The following SLC2A14 variants were observed in gnomAD, a reference collection of about 807,000 sequenced individuals.
SLC2A14 encodes solute carrier family 2 member 14.
In SLC2A14, 13 loss-of-function variants were observed where a neutral mutation model predicts 43.0. The observed-to-expected ratio is 0.30, with a 90% CI of 0.20 to 0.48. The LOEUF (loss-of-function observed/expected upper bound fraction) is 0.48, where lower values mean the gene tolerates loss of function less well. Among genes scored for constraint, SLC2A14 ranks in the 20% least tolerant of loss-of-function variants. SLC2A14 has a pLI of 0.99. For missense variants in SLC2A14, 428 were observed against 620.4 expected (o/e 0.69, Z 3.29); for synonymous variants, 190 against 233.8 (o/e 0.81, Z 1.71).
intron 10 of SLC2A14, among the ~76,000 whole-genome samples, chr12:7,816,427 C>CG (rs1289162952): frequency 6.7e-6 from 1 of 149,610 alleles, no homozygotes; most frequent in Non-Finnish European, 1.5e-5. Context: ...TTAGTAGAGA[C>CG]GGGGTTTCTC....
intron 1 of SLC2A14, among the ~76,000 whole-genome samples, chr12:7,880,984 C>CA (rs1945560646): frequency 6.6e-6 from 1 of 152,102 alleles, no homozygotes; most frequent in South Asian, 2.1e-4. Flanking sequence ...ACTAAAAATA[C>CA]AAAAAATTAA....
chr12:7,814,153 C>G lies in SLC2A14; in HGVS notation c.*163G>C. 1 of 1,341,674 alleles carries G rather than the reference C, an allele frequency of 7.5e-7. No individual in the cohort carries two copies. Among genetic ancestry groups the G allele is most frequent in the Non-Finnish European group, 1.0e-6 (1 of 987,848 alleles). 83.1% of individuals were successfully genotyped at this position (1,341,674 alleles called of 1,614,324 possible). ...TAAAATTTAAAAAGCCATTGAAGAT[C>G]CAACAAACTGCAGCCTTGGGGTGCT... On this transcript the variant is annotated 3_prime_UTR_variant, in exon 11 of 11. Coordinates refer to ENST00000431042, the MANE Select transcript of SLC2A14 (RefSeq NM_001286234.2).
In SLC2A14 at chr12:7,813,324, C is replaced by A. The variant is rs1369410889; in HGVS notation, c.*992G>T. The A allele has an allele frequency of 6.6e-6, 1 of 152,204 alleles. No homozygotes were observed. Among genetic ancestry groups the A allele is most frequent in the South Asian group, 2.1e-4 (1 of 4,818 alleles). The allele number at this position is 152,204 out of a possible 1,614,324, so 9.4% of individuals were successfully genotyped here. A position where few individuals can be genotyped will look rare whatever the true frequency, so the allele number is the denominator to read the frequency against. ...GATGGCTCTCCCACTAGATAGGTGG[C>A]GGGATTACTTCAAAAGTAATGAGAC... On this transcript the variant is annotated 3_prime_UTR_variant, in exon 11 of 11. Coordinates refer to ENST00000431042, the MANE Select transcript of SLC2A14 (RefSeq NM_001286234.2).
intron 2 of SLC2A14, among the ~76,000 whole-genome samples, chr12:7,857,812 T>C (rs747878418): frequency 6.6e-6 from 1 of 152,020 alleles, no homozygotes; most frequent in Admixed American, 6.6e-5. Context: ...AGGCAGGTGC[T>C]GCTGGGCCTG....
chr12:7,881,967 C>G (rs1056007051), intron 1 of SLC2A14, among the ~76,000 whole-genome samples: 1 of 152,200 alleles, frequency 6.6e-6, no homozygotes, highest in Non-Finnish European at 1.5e-5. Context: ...AATCAGCGCC[C>G]TGTCAAAACA....
At chr12:7,834,758 T>C (rs1168009962) in intron 2 of SLC2A14, among the ~76,000 whole-genome samples, 2 of 152,034 alleles carry the variant, frequency 1.3e-5, no homozygotes, top group Non-Finnish European at 2.9e-5. Flanking sequence ...AGACAAGTGT[T>C]CCTTGGGCAA....
At chr12:7,864,606 G>C (rs1944807945) in intron 2 of SLC2A14, among the ~76,000 whole-genome samples, 1 of 152,172 alleles carries the variant, frequency 6.6e-6, no homozygotes, top group Non-Finnish European at 1.5e-5. Context: ...CCAAAGTGTT[G>C]GGATTACAGG....
intron 2 of SLC2A14, chr12:7,863,354 G>A (rs1403421752): frequency 2.2e-6 from 1 of 452,976 alleles, no homozygotes; most frequent in Admixed American, 2.4e-5. Flanking sequence ...CCACTTTAAG[G>A]GCTGTAACAC....
chr12:7,850,513 A>G (rs1592248320), intron 2 of SLC2A14, among the ~76,000 whole-genome samples: 1 of 151,974 alleles, frequency 6.6e-6, no homozygotes, highest in East Asian at 1.9e-4. Flanking sequence ...CTCCTGCCTC[A>G]GCCTCCCAAG....
rs114432140 is a variant in SLC2A14 at position 7,863,302 on chromosome 12, C to A, written c.18+6561G>T. 3.3e-3 allele frequency: 1,461 copies of A among 442,298 alleles called. 19 individuals carry two copies. Among genetic ancestry groups the A allele is most frequent in the African/African-American group, 0.027 (1,327 of 49,324 alleles). 27.4% of individuals were successfully genotyped at this position (442,298 alleles called of 1,614,324 possible). Reference sequence around the variant, plus strand: ...ACGAACCCACCAGAAGGAAAACACTCCGAACGCATCTGAACATCAGAAGGG... The same window carrying A: ...ACGAACCCACCAGAAGGAAAACACTACGAACGCATCTGAACATCAGAAGGG... On this transcript the variant is annotated intron_variant, in intron 2 of 10. Coordinates refer to ENST00000431042, the MANE Select transcript of SLC2A14 (RefSeq NM_001286234.2).
At chr12:7,855,635 T>C (rs1434922845) in intron 2 of SLC2A14, among the ~76,000 whole-genome samples, 1 of 151,920 alleles carries the variant, frequency 6.6e-6, no homozygotes, top group African/African-American at 2.4e-5. Flanking sequence ...TCCTTTTTTT[T>C]TCTTTTTCTT....
intron 1 of SLC2A14, among the ~76,000 whole-genome samples, chr12:7,888,052 G>T (rs754775041): frequency 6.6e-6 from 1 of 152,172 alleles, no homozygotes; most frequent in East Asian, 1.9e-4. Context: ...GAAGAAGGCA[G>T]GAAATCTCCA....
chr12:7,890,998 C>G, exon 1 of SLC2A14: 2 of 1,534,550 alleles, frequency 1.3e-6, no homozygotes, highest in Non-Finnish European at 1.7e-6. Context: ...CCACTTACCT[C>G]CTCCCCGACG....
chr12:7,840,578 G>A (rs756920753), intron 2 of SLC2A14, among the ~76,000 whole-genome samples: 1 of 152,118 alleles, frequency 6.6e-6, no homozygotes, highest in South Asian at 2.1e-4. Context: ...TAGAGACAGG[G>A]TTTCACCATG....
At chr12:7,867,280 C>CAAAAAAAAAAAA (rs755003596) in intron 2 of SLC2A14, among the ~76,000 whole-genome samples, 1 of 71,150 alleles carries the variant, frequency 1.4e-5, no homozygotes, top group Non-Finnish European at 3.1e-5. Flanking sequence ...GACTCCGTCT[C>CAAAAAAAAAAAA]AAAAAAAAAA....
intron 3 of SLC2A14, 90 bp downstream of exon 3, chr12:7,832,632 T>C: frequency 6.9e-7 from 1 of 1,454,418 alleles, no homozygotes; most frequent in Non-Finnish European, 9.5e-7. Context: ...GGTGCCACCA[T>C]GCCTGGCCTT....
intron 2 of SLC2A14, among the ~76,000 whole-genome samples, chr12:7,835,328 A>T (rs139691335): frequency 6.6e-6 from 1 of 152,186 alleles, no homozygotes; most frequent in South Asian, 2.1e-4. Flanking sequence ...CAGAGGTTGC[A>T]GTCAGCCGAG....
At chr12:7,860,183 A>C (rs1432636708) in intron 2 of SLC2A14, among the ~76,000 whole-genome samples, 1 of 152,158 alleles carries the variant, frequency 6.6e-6, no homozygotes, top group Non-Finnish European at 1.5e-5. Context: ...GAATTAGCAC[A>C]GGTACAGCTG....
At chr12:7,874,977 ATATTTATATATAAAT>A (rs1565585354), upstream of SLC2A14, among the ~76,000 whole-genome samples, 5 of 68,292 alleles carry the variant, frequency 7.3e-5, no homozygotes, top group Non-Finnish European at 1.3e-4. Flanking sequence ...ATATATAAAT[ATATTTATATATAAAT>A]TATATATAAA....
Sources: gnomAD v4.1 joint callset for allele counts (sites outside exome capture counted in the v4.1 genomes callset) on GRCh38, gnomAD v4.1.1 for gene constraint, MANE v1.5 for transcripts, NCBI Gene and HGNC (gene_info 2026-07-23, HGNC 2026-07-21) for gene names.